PCDH15: variants seen among roughly 807,000 people sequenced by gnomAD.
PCDH15 encodes protocadherin-15.
A neutral mutation model predicts 178.5 loss-of-function variants in PCDH15; 129 were observed. The observed-to-expected ratio is 0.72, with a 90% CI of 0.63 to 0.84. The LOEUF (loss-of-function observed/expected upper bound fraction) is 0.84. Among genes scored for constraint, PCDH15 ranks in the 40% least tolerant of loss-of-function variants. PCDH15 has a pLI of 0.00. For synonymous variants in PCDH15, 800 were observed against 732.0 expected (o/e 1.09, Z -1.50); for missense variants, 2,230 against 2,099.9 (o/e 1.06, Z -1.21).
At chr10:54,237,914 A>G (rs114547353) in intron 8 of PCDH15, among the ~76,000 whole-genome samples, 22 of 152,322 alleles carry the variant, frequency 1.4e-4, no homozygotes, top group African/African-American at 5.0e-4. Flanking sequence ...GCTAATCTGC[A>G]TACTGACTTT....
At chr10:54,189,174 A>T (rs930234970) in intron 11 of PCDH15, among the ~76,000 whole-genome samples, 1 of 152,008 alleles carries the variant, frequency 6.6e-6, no homozygotes, top group African/African-American at 2.4e-5. Context: ...ACCTTTTTTA[A>T]CTTTAAAATA....
chr10:53,980,907 G>A (rs558538542), intron 21 of PCDH15, among the ~76,000 whole-genome samples: 1 of 152,102 alleles, frequency 6.6e-6, no homozygotes, highest in East Asian at 1.9e-4. Flanking sequence ...ATATGATTGG[G>A]GGTAGTATGT....
intron 1 of PCDH15, among the ~76,000 whole-genome samples, chr10:54,726,515 G>A (rs181196108): frequency 1.3e-5 from 2 of 150,476 alleles, no homozygotes; most frequent in African/African-American, 4.9e-5. Context: ...AAACAGGACC[G>A]AAAATGCTAG....
At chr10:55,513,056 A>G (rs995696983) in intron 2 of PCDH15, 1 of 152,170 alleles carries the variant, frequency 6.6e-6, no homozygotes, top group Non-Finnish European at 1.5e-5. Context: ...TGATTGACTG[A>G]ACAACCACTG....
At chr10:53,816,589 A>G (rs1015907467) in intron 34 of PCDH15, among the ~76,000 whole-genome samples, 2 of 152,176 alleles carry the variant, frequency 1.3e-5, no homozygotes, top group Non-Finnish European at 2.9e-5. Flanking sequence ...ACAAAGAGTT[A>G]TTTATGTTTC....
chr10:54,654,157 A>G (rs1016030139), intron 2 of PCDH15, among the ~76,000 whole-genome samples: 5 of 152,186 alleles, frequency 3.3e-5, no homozygotes, highest in Non-Finnish European at 7.3e-5. Flanking sequence ...CACTCCACCC[A>G]CCAGCTTCTG....
At chr10:54,265,109 A>G (rs1043098515) in intron 8 of PCDH15, among the ~76,000 whole-genome samples, 2 of 152,144 alleles carry the variant, frequency 1.3e-5, no homozygotes, top group Non-Finnish European at 2.9e-5. Flanking sequence ...GTCTATTTTT[A>G]GTACTCTAAA....
chr10:55,078,897 A>T (rs538309566), intron 2 of PCDH15, among the ~76,000 whole-genome samples: 1 of 152,118 alleles, frequency 6.6e-6, no homozygotes, highest in South Asian at 2.1e-4. Flanking sequence ...TTTCTGAGTT[A>T]CTTCACTTAG....
At chr10:55,136,660 T>C (rs1838205545) in intron 2 of PCDH15, among the ~76,000 whole-genome samples, 1 of 152,080 alleles carries the variant, frequency 6.6e-6, no homozygotes, top group Non-Finnish European at 1.5e-5. Flanking sequence ...AGAAATTTAA[T>C]TTATAACTGC....
intron 3 of PCDH15, among the ~76,000 whole-genome samples, chr10:54,392,315 A>T (rs1950633626): frequency 6.6e-6 from 1 of 151,250 alleles, no homozygotes; most frequent in African/African-American, 2.4e-5. Flanking sequence ...AATACAAAAA[A>T]ATTTGGTAGG....
Position 55,265,169 on chromosome 10 carries a change from G to C in PCDH15, c.-156+54430C>G, listed in dbSNP as rs544903895. The stretch of plus-strand genomic sequence containing the variant: ...CTCTTGCCCCTCCAACAGATGCCCA[G>C]TAAATTTGGGACCAGTAAGTTCCAG... On this transcript the variant is annotated intron_variant, in intron 1 of 5. Coordinates refer to the PCDH15 transcript ENST00000458638. 3.4e-4 allele frequency among the ~76,000 whole-genome samples: 52 copies of C among 152,090 alleles called. No individual in the cohort carries two copies. The East Asian group carries it at 5.8e-3, about 17-fold the overall frequency.
intron 2 of PCDH15, among the ~76,000 whole-genome samples, chr10:54,623,615 T>G (rs975548161): frequency 1.3e-5 from 2 of 152,120 alleles, no homozygotes; most frequent in African/African-American, 4.8e-5. Flanking sequence ...AAATAAATAA[T>G]GCCATATTTT....
intron 1 of PCDH15, among the ~76,000 whole-genome samples, chr10:55,243,620 A>T (rs1280493354): frequency 6.6e-6 from 1 of 152,216 alleles, no homozygotes; most frequent in Non-Finnish European, 1.5e-5. Context: ...ATTTAAAGCC[A>T]TATTGTGTTC....
intron 2 of PCDH15, among the ~76,000 whole-genome samples, chr10:55,562,859 A>G (rs1842228306): frequency 6.6e-6 from 1 of 152,040 alleles, no homozygotes; most frequent in Non-Finnish European, 1.5e-5. Context: ...CAAGCACTGG[A>G]AATCTCTTTA....
rs1954288795 is a variant in PCDH15, at chr10:54,882,894, G to A, written c.-29+14556C>T. 2.6e-5 allele frequency among the ~76,000 whole-genome samples: 4 copies of A among 152,038 alleles called. No homozygotes were observed. In the South Asian group the frequency reaches 6.2e-4, roughly 24 times the overall value. ...ACTGTCGCCATAGCCATAAACAGTC[G>A]GTTTTTATGTTTAACCAGATTATGA... On this transcript the variant is annotated intron_variant, in intron 3 of 5. Transcript: ENST00000458638.
intron 3 of PCDH15, among the ~76,000 whole-genome samples, chr10:54,516,659 TC>T (rs1426372340): frequency 1.3e-5 from 2 of 151,966 alleles, no homozygotes; most frequent in African/African-American, 4.8e-5. Flanking sequence ...CAGGAGAACT[TC>T]CCCAACCTAG....
At chr10:54,775,345 TTTA>T (rs1949568889) in intron 1 of PCDH15, among the ~76,000 whole-genome samples, 1 of 152,210 alleles carries the variant, frequency 6.6e-6, no homozygotes, top group Non-Finnish European at 1.5e-5. Context: ...AGTTTTTTAG[TTTA>T]TTGTTTTATT....
At chr10:54,561,423 T>C (rs2088134700) in intron 2 of PCDH15, among the ~76,000 whole-genome samples, 1 of 152,130 alleles carries the variant, frequency 6.6e-6, no homozygotes, top group Admixed American at 6.6e-5. Flanking sequence ...TTTCAAACAT[T>C]TGGTGGGAAA....
chr10:54,103,062 G>A (rs2094841322), intron 15 of PCDH15, among the ~76,000 whole-genome samples: 1 of 152,148 alleles, frequency 6.6e-6, no homozygotes, highest in Non-Finnish European at 1.5e-5. Context: ...GTAGTGTAAT[G>A]GGATTCTTCC....
Sources: allele counts gnomAD v4.1 joint callset (sites outside exome capture counted in the v4.1 genomes callset), GRCh38; gene constraint gnomAD v4.1.1; transcripts MANE v1.5; gene names NCBI Gene and HGNC (gene_info 2026-07-23, HGNC 2026-07-21).